APMAP: variants seen among roughly 807,000 people sequenced by gnomAD.
APMAP encodes the protein adipocyte plasma membrane-associated protein.
APMAP carries 33 observed loss-of-function variants against 43.6 expected under a neutral mutation model. The ratio of observed to expected loss-of-function variants is 0.76; its 90% CI spans 0.57 to 1.01. The LOEUF (loss-of-function observed/expected upper bound fraction) is 1.01. Among genes scored for constraint, APMAP ranks in the 50% least tolerant of loss-of-function variants. The probability of loss-of-function intolerance (pLI) is 0.00; values close to 1 mark genes in which losing one functional copy is unlikely to be tolerated. For missense variants in APMAP, 498 were observed against 540.7 expected (o/e 0.92, Z 0.78); for synonymous variants, 224 against 216.7 (o/e 1.03, Z -0.30).
intron 5 of APMAP, among the ~76,000 whole-genome samples, chr20:24,971,130 A>G (rs2087995464): frequency 6.6e-6 from 1 of 152,212 alleles, no homozygotes; most frequent in South Asian, 2.1e-4. Context: ...GAGAGAAAAC[A>G]AATAGACAAG....
intron 3 of APMAP, among the ~76,000 whole-genome samples, chr20:24,974,844 A>G (rs1180843259): frequency 1.3e-5 from 2 of 152,224 alleles, no homozygotes; most frequent in African/African-American, 4.8e-5. Context: ...CCAATATGTG[A>G]GGCAAAAACT....
chr20:24,970,216 C>G lies in APMAP; in HGVS notation c.694G>C (p.Glu232Gln). 2 of 1,614,210 alleles carry G rather than the reference C, an allele frequency of 1.2e-6. No individual in the cohort carries two copies. The highest frequency in any genetic ancestry group is 8.5e-7 in the Non-Finnish European group (1 of 1,180,038). ...QRRDYLLLVM[E>Q]GTDDGRLLEY... is the part of the protein sequence containing the mutation. ...CCTCACCGCCCGTCATCTGTGCCCTCCATCACCAGAAGCAGGTAGTCTCGT... is the reference window on the plus strand; with the variant it reads ...CCTCACCGCCCGTCATCTGTGCCCTGCATCACCAGAAGCAGGTAGTCTCGT... Residue 232 changes from glutamate (E) to glutamine (Q), a missense_variant, in exon 6 of 9, where the codon GAG becomes CAG. Glu to Gln is a conservative substitution (Grantham distance 29, BLOSUM62 2). Transcript: ENST00000217456.
chr20:24,984,004 T>G lies in APMAP; in HGVS notation c.111A>C (p.Arg37Ser), dbSNP rs751136503. ...GCATCAAGAAGGTCACTCGGAAAACTCTGCCGCTAAAGGAGCTGCCAGAAA... is the reference window on the plus strand; with the variant it reads ...GCATCAAGAAGGTCACTCGGAAAACGCTGCCGCTAAAGGAGCTGCCAGAAA... ...EAKDGSSFSG[R>S]VFRVTFLMLA... Residue 37 changes from arginine (R) to serine (S), a missense_variant, in exon 2 of 9, where the codon AGA (arginine) becomes AGC (serine). Physicochemically the swap from Arg to Ser is moderately radical, Grantham distance 110. Transcript: ENST00000217456. The G allele has an allele frequency of 1.2e-6, 2 of 1,613,192 alleles. No individual in the cohort carries two copies. The highest frequency in any genetic ancestry group is 2.2e-5 in the South Asian group (2 of 91,032).
In APMAP at chr20:24,992,678, G is replaced by T; in HGVS notation, c.11C>A (p.Ala4Glu). The T allele has an allele frequency of 6.5e-7, 1 of 1,532,446 alleles. No homozygotes were observed. Among genetic ancestry groups the T allele is most frequent in the South Asian group, 1.2e-5 (1 of 83,096 alleles). The allele number at this position is 1,532,446 out of a possible 1,614,324, so 94.9% of individuals were successfully genotyped here. MSE[A>E]DGLRQRRPLR... is the part of the protein sequence containing the mutation. ...GGGCCGGCGCTGTCGCAGCCCGTCCGCCTCGCTCATGGTACGGGCGCCAGC... is the reference window on the plus strand; with the variant it reads ...GGGCCGGCGCTGTCGCAGCCCGTCCTCCTCGCTCATGGTACGGGCGCCAGC... Residue 4 changes from alanine to glutamate, a missense_variant, in exon 1 of 9, where the codon GCG (alanine) becomes GAG (glutamate). By Grantham distance (107) the Ala-to-Glu change is moderately radical. Transcript: ENST00000217456.
Position 24,971,509 on chromosome 20 carries a change from G to C in APMAP, c.489C>G (p.Leu163=), listed in dbSNP as rs200462561. ...GTCCCTTGTATGCATCGGCCACAAA[G>C]AGAGTCCCATTGGGCCCTGCACGGA... ...LGIRAGPNGT[L]FVADAYKGLF... The change falls in exon 5 of 9, where the codon CTC becomes CTG. Residue 163 remains leucine, a synonymous_variant. Coordinates refer to ENST00000217456, the MANE Select transcript of APMAP (RefSeq NM_020531.3). The C allele has an allele frequency of 1.2e-6, 2 of 1,614,222 alleles. No homozygotes were observed.
intron 4 of APMAP, among the ~76,000 whole-genome samples, chr20:24,972,255 C>T (rs2088010376): frequency 7.1e-6 from 1 of 141,070 alleles, no homozygotes; most frequent in Admixed American, 7.1e-5. Context: ...GTGCTCACTG[C>T]AGGTGCTTAT....
chr20:24,968,988 C>T lies in APMAP; in HGVS notation c.945G>A (p.Gly315=). The change falls in exon 8 of 9, where the codon GGG becomes GGA. Residue 315 remains glycine, a synonymous_variant. Transcript: ENST00000217456. The part of the protein sequence containing the change: ...PDNIRPSSSG[G]YWVGMSTIRP... ...GGATGGTCGACATGCCCACCCAGTA[C>T]CCCCCAGAGCTGCTGGGCCGGATGT... is the stretch of plus-strand genomic sequence containing the variant. 6.2e-7 allele frequency: 1 copy of T among 1,613,836 alleles called. No homozygotes were observed. Among genetic ancestry groups the T allele is most frequent in the Non-Finnish European group, 8.5e-7 (1 of 1,179,890 alleles).
At chr20:24,970,025 T>A (rs950515075) in intron 6 of APMAP, among the ~76,000 whole-genome samples, 172 bp downstream of exon 6, 1 of 152,238 alleles carries the variant, frequency 6.6e-6, no homozygotes, top group Non-Finnish European at 1.5e-5. Context: ...AAGCACCTTG[T>A]TCCATTTTGT....
At chr20:24,969,468 A>AC in intron 7 of APMAP, 58 bp downstream of exon 7, 1 of 1,547,326 alleles carries the variant, frequency 6.5e-7, no homozygotes, top group East Asian at 2.3e-5. Context: ...TGCCCACCCC[A>AC]CCCCGGCCAT....
At chr20:24,965,739 C>T (rs1385046775) in intron 8 of APMAP, among the ~76,000 whole-genome samples, 1 of 152,198 alleles carries the variant, frequency 6.6e-6, no homozygotes, top group Non-Finnish European at 1.5e-5. Flanking sequence ...GTGCTACAGC[C>T]CTGGATGGGG....
intron 3 of APMAP, 105 bp from the exon 4 acceptor site, chr20:24,973,842 T>G: frequency 1.1e-6 from 1 of 905,410 alleles, no homozygotes; most frequent in South Asian, 1.6e-5. Flanking sequence ...CCCTGCCCTA[T>G]AGAGGAAATG....
chr20:24,973,840 T>C, intron 3 of APMAP, 103 bp from the exon 4 acceptor site: 1 of 939,756 alleles, frequency 1.1e-6, no homozygotes, highest in Middle Eastern at 2.4e-4. Context: ...CCCCCTGCCC[T>C]ATAGAGGAAA....
chr20:24,980,152 T>C (rs6114976), intron 2 of APMAP, among the ~76,000 whole-genome samples: 14,593 of 152,208 alleles, frequency 0.096, 802 homozygotes, highest in African/African-American at 0.12. Context: ...ATTCCCAGCA[T>C]CTGGCACCCA....
intron 3 of APMAP, among the ~76,000 whole-genome samples, chr20:24,975,915 C>T (rs2088046875): frequency 6.6e-6 from 1 of 152,136 alleles, no homozygotes; most frequent in Non-Finnish European, 1.5e-5. Context: ...GGAGTAAAGG[C>T]AATGCATAAT....
At chr20:24,966,287 A>C (rs2087942290) in intron 8 of APMAP, among the ~76,000 whole-genome samples, 1 of 152,226 alleles carries the variant, frequency 6.6e-6, no homozygotes, top group Non-Finnish European at 1.5e-5. Context: ...TGAGCATCAA[A>C]ATCAATGATG....
intron 2 of APMAP, among the ~76,000 whole-genome samples, chr20:24,982,290 CG>C (rs1818612815): frequency 6.8e-5 from 7 of 103,690 alleles, no homozygotes; most frequent in Admixed American, 1.0e-4. Flanking sequence ...ACTGCCATTC[CG>C]AAAGCTGAGC....
chr20:24,970,949 GC>G (rs1224455644), intron 5 of APMAP, among the ~76,000 whole-genome samples: 2 of 152,218 alleles, frequency 1.3e-5, no homozygotes, highest in Non-Finnish European at 2.9e-5. Flanking sequence ...CTATGTTCGG[GC>G]CCCCACGCAC....
rs112623032 is a variant in APMAP, at chr20:24,968,251, G to C, written c.1041+641C>G. 6.1e-3 allele frequency among the ~76,000 whole-genome samples: 928 copies of C among 152,318 alleles called. 14 individuals are homozygous for C. The highest frequency in any genetic ancestry group is 0.022 in the African/African-American group (904 of 41,564). On this transcript the variant is annotated intron_variant, in intron 8 of 8. Coordinates refer to ENST00000217456, the MANE Select transcript of APMAP (RefSeq NM_020531.3). ...CAAGATTTAAAGGCTGTGTTGAAGG[G>C]GCTGTTGTGTTGAAGGGGCCATGGC...
rs145319394 is a variant in APMAP, at chr20:24,963,824, G to A, written c.1240C>T (p.Gln414Ter). The A allele has an allele frequency of 1.9e-6, 3 of 1,614,060 alleles. No homozygotes were observed. ...GCTATCTGGGAGGGCTAAACAGCCT[G>A]GAGGCTGAGTCTGCAGAGGAAGGGG... ...RSPFLCRLSL[Q>*]AV is the part of the protein sequence containing the mutation. The change falls in exon 9 of 9, where the codon CAG becomes TAG. Residue 414 changes from glutamine to a stop codon, truncating the protein, a stop_gained. Coordinates refer to ENST00000217456, the MANE Select transcript of APMAP (RefSeq NM_020531.3). LOFTEE classifies it high-confidence loss of function.
Sources: gnomAD v4.1 joint callset for allele counts (sites outside exome capture counted in the v4.1 genomes callset) on GRCh38, gnomAD v4.1.1 for gene constraint, MANE v1.5 for transcripts, NCBI Gene and HGNC (gene_info 2026-07-23, HGNC 2026-07-21) for gene names.